Variants in RTN4 observed in about 807,000 individuals in gnomAD.
RTN4 encodes the protein reticulon 4, also known as reticulon-4.
Under a neutral mutation model 90.4 loss-of-function variants are expected in RTN4, and 32 were observed. That is an observed-to-expected ratio of 0.35 (90% CI 0.27 to 0.48). RTN4 has a LOEUF of 0.48. Among genes scored for constraint, RTN4 ranks in the 20% least tolerant of loss-of-function variants. The pLI, the probability that RTN4 is intolerant of heterozygous loss-of-function variation, is 0.99. For missense variants in RTN4, 1,706 were observed against 1,430.2 expected (o/e 1.19, Z -3.11); for synonymous variants, 629 against 552.5 (o/e 1.14, Z -1.94).
upstream of RTN4, among the ~76,000 whole-genome samples, chr2:55,114,896 A>C (rs1279121195): frequency 6.6e-6 from 1 of 152,082 alleles, no homozygotes; most frequent in Non-Finnish European, 1.5e-5. Flanking sequence ...TAGAGGGTGC[A>C]TCAGCTTAAA....
intron 3 of RTN4, among the ~76,000 whole-genome samples, chr2:55,001,236 T>G (rs1181247031): frequency 6.6e-6 from 1 of 152,142 alleles, no homozygotes; most frequent in African/African-American, 2.4e-5. Flanking sequence ...TAGAACCTTA[T>G]TATTATTACT....
At chr2:55,095,919 G>A (rs1403731254) in intron 1 of RTN4, among the ~76,000 whole-genome samples, 1 of 152,176 alleles carries the variant, frequency 6.6e-6, no homozygotes, top group Admixed American at 6.5e-5. Flanking sequence ...CAGGCAATTT[G>A]TAGAATGTCC....
intron 3 of RTN4, among the ~76,000 whole-genome samples, chr2:55,000,053 A>G (rs997245976): frequency 2.9e-4 from 44 of 152,322 alleles, no homozygotes; most frequent in African/African-American, 9.6e-4. Context: ...TTGAAGCTGA[A>G]TTGAAATTTC....
chr2:55,122,280 T>C, the RTN4 span, among the ~76,000 whole-genome samples: 4 of 152,156 alleles, frequency 2.6e-5, no homozygotes, highest in Admixed American at 2.6e-4. Flanking sequence ...CACCCGGCCT[T>C]GGGTTTCCAT....
intron 2 of RTN4, among the ~76,000 whole-genome samples, chr2:55,060,910 A>G (rs1018678179): frequency 7.9e-5 from 12 of 152,148 alleles, no homozygotes; most frequent in African/African-American, 2.7e-4. Context: ...AGAGAGCACA[A>G]TCCTGTCTCA....
At chr2:55,060,572 A>T (rs1014758739) in intron 2 of RTN4, 3 of 152,246 alleles carry the variant, frequency 2.0e-5, no homozygotes, top group Non-Finnish European at 2.9e-5. Context: ...TATGGAAGCA[A>T]AATAGGCACA....
At chr2:55,057,489 G>C (rs1668210103) in intron 2 of RTN4, among the ~76,000 whole-genome samples, 2 of 152,112 alleles carry the variant, frequency 1.3e-5, no homozygotes, top group African/African-American at 4.8e-5. Flanking sequence ...TCAATCAATA[G>C]TAATTATTAT....
chr2:55,058,849 G>C (rs1445984438), intron 2 of RTN4, among the ~76,000 whole-genome samples: 1 of 148,298 alleles, frequency 6.7e-6, no homozygotes, highest in Non-Finnish European at 1.5e-5. Flanking sequence ...TTTAAGTTTT[G>C]GCTTTCTTTT....
chr2:55,122,927 T>C, the RTN4 span, among the ~76,000 whole-genome samples: 1 of 152,204 alleles, frequency 6.6e-6, no homozygotes, highest in African/African-American at 2.4e-5. Context: ...TACCACAAAA[T>C]ACAAATGTAC....
At chr2:54,987,749 G>T (rs766619845) in intron 3 of RTN4, 51 bp from the exon 4 acceptor site, 80 of 1,467,056 alleles carry the variant, frequency 5.5e-5, no homozygotes, top group Middle Eastern at 1.7e-4. Context: ...TATCAATTTG[G>T]ATTTGCTCCA....
chr2:55,096,468 T>C (rs1323123355), intron 1 of RTN4, among the ~76,000 whole-genome samples: 1 of 152,114 alleles, frequency 6.6e-6, no homozygotes, highest in African/African-American at 2.4e-5. Flanking sequence ...CCTCATCTAA[T>C]ATATCTCTCA....
chr2:55,055,808 G>A (rs944140046), upstream of RTN4, among the ~76,000 whole-genome samples: 1 of 151,052 alleles, frequency 6.6e-6, no homozygotes, highest in African/African-American at 2.4e-5. Flanking sequence ...AAAACCTACT[G>A]ACCATCTAGG....
intron 3 of RTN4, among the ~76,000 whole-genome samples, chr2:55,016,734 G>A (rs552448635): frequency 9.2e-5 from 14 of 152,168 alleles, no homozygotes; most frequent in Admixed American, 6.5e-4. Flanking sequence ...TACAATGAGC[G>A]TGTATTGTAT....
chr2:55,130,523 G>A, the RTN4 span, among the ~76,000 whole-genome samples: 1 of 152,134 alleles, frequency 6.6e-6, no homozygotes, highest in South Asian at 2.1e-4. Context: ...GGGTGATGTG[G>A]GCAGACTGCT....
chr2:55,120,425 C>T, the RTN4 span, among the ~76,000 whole-genome samples: 464 of 152,196 alleles, frequency 3.0e-3, 2 homozygotes, highest in Middle Eastern at 0.014. Context: ...AACCTTCCTC[C>T]GGCCCAGGCT....
chr2:55,012,756 T>G (rs947453706), intron 3 of RTN4, among the ~76,000 whole-genome samples: 6 of 152,142 alleles, frequency 3.9e-5, no homozygotes, highest in South Asian at 4.1e-4. Context: ...GTCCTTCAAC[T>G]CTAGGCAATA....
intron 2 of RTN4, among the ~76,000 whole-genome samples, chr2:55,065,030 A>G (rs1444212054): frequency 2.0e-5 from 3 of 152,356 alleles, no homozygotes; most frequent in African/African-American, 7.2e-5. Flanking sequence ...GCCAGTAAGC[A>G]TATGCTGGAA....
chr2:55,005,978 C>G (rs1432788116), intron 3 of RTN4, among the ~76,000 whole-genome samples: 1 of 152,066 alleles, frequency 6.6e-6, no homozygotes, highest in Non-Finnish European at 1.5e-5. Flanking sequence ...TAGGGATGTT[C>G]AACCTGTACT....
chr2:55,015,175 T>G (rs533921587), intron 3 of RTN4, among the ~76,000 whole-genome samples: 1 of 152,264 alleles, frequency 6.6e-6, no homozygotes, highest in African/African-American at 2.4e-5. Flanking sequence ...CTACAGTTGA[T>G]TGCCCAGTTC....
Sources: allele counts gnomAD v4.1 joint callset (sites outside exome capture counted in the v4.1 genomes callset), GRCh38; gene constraint gnomAD v4.1.1; transcripts MANE v1.5; gene names NCBI Gene and HGNC (gene_info 2026-07-23, HGNC 2026-07-21).